Variants in RBBP6 observed in about 807,000 individuals in gnomAD.
The protein encoded by RBBP6 is E3 ubiquitin-protein ligase RBBP6.
A neutral mutation model predicts 167.7 loss-of-function variants in RBBP6; 25 were observed. That is an observed-to-expected ratio of 0.15 (90% CI 0.11 to 0.21). The LOEUF (loss-of-function observed/expected upper bound fraction) is 0.21, where lower values mean the gene tolerates loss of function less well. Among genes scored for constraint, RBBP6 ranks in the 10% least tolerant of loss-of-function variants. RBBP6 has a pLI of 1.00. For synonymous variants in RBBP6, 789 were observed against 735.8 expected (o/e 1.07, Z -1.17); for missense variants, 1,868 against 2,134.2 (o/e 0.88, Z 2.46).
At position 24,571,590 on chromosome 16, in the gene RBBP6, A is replaced by C. The variant is rs1348290454; in HGVS notation, c.4524A>C (p.Ala1508=). The C allele has an allele frequency of 6.2e-7, 1 of 1,611,756 alleles. No individual in the cohort carries two copies. Among genetic ancestry groups the C allele is most frequent in the Admixed American group, 1.7e-5 (1 of 59,470 alleles). Residue 1508 remains alanine, a synonymous_variant, in exon 18 of 18, where the codon GCA becomes GCC. Coordinates refer to ENST00000319715, the MANE Select transcript of RBBP6 (RefSeq NM_006910.5). ...CTCCTTCTCGGAATAAAGATTCTGCATCTGGACAGAAAAATAAACCAAGGG... is the reference window on the plus strand; with the variant it reads ...CTCCTTCTCGGAATAAAGATTCTGCCTCTGGACAGAAAAATAAACCAAGGG... The part of the protein sequence containing the change: ...KDSPSRNKDS[A]SGQKNKPREE...
chr16:24,559,401 G>T, intron 7 of RBBP6, 104 bp from the exon 8 acceptor site: 1 of 845,704 alleles, frequency 1.2e-6, no homozygotes, highest in Non-Finnish European at 1.8e-6. Flanking sequence ...AAACTAATTT[G>T]GCATTGCGCT....
Position 24,541,205 on chromosome 16 carries a change from C to CAAAAAAAAAAAAA in RBBP6, c.166+420_166+421insAAAAAAAAAAAAA, listed in dbSNP as rs933107246. On this transcript the variant is annotated intron_variant, in intron 1 of 17. Transcript: ENST00000319715. ...GCAAAAAAAAAAACAAAAAAAAAACCAAAAAAACAATTTTCTAACCTAACA... is the reference window on the plus strand; with the variant it reads ...GCAAAAAAAAAAACAAAAAAAAAACCAAAAAAAAAAAAAAAAAAAACAATTTTCTAACCTAACA... Among the ~76,000 whole-genome samples the CAAAAAAAAAAAAA allele has an allele frequency of 6.8e-4, 54 of 79,292 alleles. 1 individual carries two copies. The highest frequency in any genetic ancestry group is 1.3e-3 in the South Asian group (3 of 2,324). 52.0% of individuals were successfully genotyped at this position (79,292 alleles called of 152,430 possible).
chr16:24,569,636 T>C lies in RBBP6; in HGVS notation c.2946T>C (p.Asp982=). 1.2e-6 allele frequency: 2 copies of C among 1,613,028 alleles called. No homozygotes were observed. The highest frequency in any genetic ancestry group is 8.5e-7 in the Non-Finnish European group (1 of 1,179,784). Residue 982 remains aspartate (D), a synonymous_variant, in exon 17 of 18, where the codon GAT becomes GAC. Coordinates refer to ENST00000319715, the MANE Select transcript of RBBP6 (RefSeq NM_006910.5). ...TGTTTGTTCTCCCAAGTAGAGATGATGCCACACCTGTTAGAGATGAACCAA... is the reference window on the plus strand; with the variant it reads ...TGTTTGTTCTCCCAAGTAGAGATGACGCCACACCTGTTAGAGATGAACCAA... ...DSLFVLPSRD[D]ATPVRDEPMD...
chr16:24,546,414 CGTTT>C (rs1430777355), intron 2 of RBBP6, 152 bp downstream of exon 2: 5 of 1,059,702 alleles, frequency 4.7e-6, no homozygotes, highest in East Asian at 7.0e-5. Flanking sequence ...TTTCTTTGTT[CGTTT>C]GTTTTTGATT....
At chr16:24,548,906 A>T in intron 2 of RBBP6, 39 bp from the exon 3 acceptor site, 1 of 1,509,486 alleles carries the variant, frequency 6.6e-7, no homozygotes. Flanking sequence ...AAATTCATAA[A>T]TAGCTAATGT....
chr16:24,572,404 A>G lies in RBBP6; in HGVS notation c.5338A>G (p.Lys1780Glu). 3 of 1,533,180 alleles carry G rather than the reference A, an allele frequency of 2.0e-6. No individual in the cohort carries two copies. The highest frequency in any genetic ancestry group is 2.6e-6 in the Non-Finnish European group (3 of 1,142,426). The allele number at this position is 1,533,180 out of a possible 1,614,324, so 95.0% of individuals were successfully genotyped here. A position where few individuals can be genotyped will look rare whatever the true frequency, so the allele number is the denominator to read the frequency against. The change falls in exon 18 of 18, where the codon AAG becomes GAG. Residue 1780 changes from lysine (K) to glutamate (E), a missense_variant. Transcript: ENST00000319715. Reference protein sequence around the residue: ...SKKNKDKEKEKEKDDQKVKSV... With the variant: ...SKKNKDKEKEEEKDDQKVKSV... ...GAAGAACAAAGATAAAGAGAAGGAG[A>G]AGGAGAAAGATGACCAAAAAGTGAA...
intron 1 of RBBP6, among the ~76,000 whole-genome samples, chr16:24,543,649 T>G (rs1898561116): frequency 6.6e-6 from 1 of 152,070 alleles, no homozygotes; most frequent in Admixed American, 6.5e-5. Context: ...GGGTCAGAAT[T>G]CCATGGATTT....
Position 24,567,137 on chromosome 16 carries a change from T to C in RBBP6, c.1590-6T>C, listed in dbSNP as rs7195386. 0.54 allele frequency: 861,361 copies of C among 1,604,408 alleles called. 237,587 individuals carry two copies. Among genetic ancestry groups the C allele is most frequent in the African/African-American group, 0.84 (62,943 of 74,754 alleles). On this transcript the variant is annotated splice_region_variant and splice_polypyrimidine_tract_variant and intron_variant, in intron 14 of 17. Transcript: ENST00000319715. Reference sequence around the variant, plus strand: ...AGAAGTAATATCTTGGAATTTATTTTTCCAGAAGTATAAACCGTGGGCGAC... The same window carrying C: ...AGAAGTAATATCTTGGAATTTATTTCTCCAGAAGTATAAACCGTGGGCGAC...
chr16:24,545,977 T>G (rs1596499667), intron 1 of RBBP6, among the ~76,000 whole-genome samples, 186 bp from the exon 2 acceptor site: 4 of 152,350 alleles, frequency 2.6e-5, no homozygotes, highest in African/African-American at 9.6e-5. Context: ...TTGGTTGTCC[T>G]TTGAAAAGAA....
rs1187263982 is a variant in RBBP6 at position 24,571,481 on chromosome 16, A to G, written c.4415A>G (p.Asp1472Gly). The G allele has an allele frequency of 1.9e-6, 3 of 1,612,164 alleles. No individual in the cohort carries two copies. Among genetic ancestry groups the G allele is most frequent in the Admixed American group, 3.4e-5 (2 of 59,536 alleles). ...SSNKDFTPNRDKKTDYDTREY... is the reference protein window; with the variant it reads ...SSNKDFTPNRGKKTDYDTREY... Reference sequence around the variant, plus strand: ...AATAAAGACTTCACTCCCAATAGAGACAAAAAAACTGACTATGACACCAGA... The same window carrying G: ...AATAAAGACTTCACTCCCAATAGAGGCAAAAAAACTGACTATGACACCAGA... Residue 1472 changes from aspartate to glycine, a missense_variant, in exon 18 of 18, where the codon GAC becomes GGC. Physicochemically the swap from Asp to Gly is moderately conservative, Grantham distance 94. Transcript: ENST00000319715.
In RBBP6 at chr16:24,570,295, T is replaced by C. The variant is rs1171015664; in HGVS notation, c.3605T>C (p.Leu1202Ser). The stretch of plus-strand genomic sequence containing the variant: ...ACCCCTGAAAAGGACAAAATTTCTT[T>C]AAGTGCGCCAGCCAAAAAAATCAAA... Reference protein sequence around the residue: ...DRTPEKDKISLSAPAKKIKLN... With the variant: ...DRTPEKDKISSSAPAKKIKLN... Residue 1202 changes from leucine to serine, a missense_variant, in exon 17 of 18, where the codon TTA becomes TCA. Leu to Ser is a moderately radical substitution (Grantham distance 145, BLOSUM62 -2). This residue lies in a region of RBBP6 where 673 missense variants were observed against 691.5 expected (regional missense o/e 0.97). Transcript: ENST00000319715. 1.9e-6 allele frequency: 3 copies of C among 1,609,730 alleles called. No homozygotes were observed. The highest frequency in any genetic ancestry group is 2.2e-5 in the East Asian group (1 of 44,866).
Position 24,572,530 on chromosome 16 carries a change from ATAAT to A in RBBP6, c.*86_*89del. ...ATGTAAAGAGATTCAAGCCTTGTAA[ATAAT>A]GACATGGAAGACCCTGTGCTGCACT... On this transcript the variant is annotated 3_prime_UTR_variant, in exon 18 of 18. Transcript: ENST00000319715. 2 of 1,431,818 alleles carry A rather than the reference ATAAT, an allele frequency of 1.4e-6. No homozygotes were observed. The highest frequency in any genetic ancestry group is 1.8e-6 in the Non-Finnish European group (2 of 1,093,310). 88.7% of individuals were successfully genotyped at this position (1,431,818 alleles called of 1,614,324 possible).
chr16:24,569,895 A>G lies in RBBP6; in HGVS notation c.3205A>G (p.Thr1069Ala). 1 of 1,610,842 alleles carries G rather than the reference A, an allele frequency of 6.2e-7. No homozygotes were observed. The highest frequency in any genetic ancestry group is 1.3e-5 in the African/African-American group (1 of 74,662). ...AAAAGCCAAAGAGGAGACTCCGAAG[A>G]CTGACAATACTAAATCATCATCTTC... The part of the protein sequence containing the change: ...IKKAKEETPK[T>A]DNTKSSSSSQ... Residue 1069 changes from threonine to alanine, a missense_variant, in exon 17 of 18, where the codon ACT (threonine) becomes GCT (alanine). Physicochemically the swap from Thr to Ala is moderately conservative, Grantham distance 58. Coordinates refer to ENST00000319715, the MANE Select transcript of RBBP6 (RefSeq NM_006910.5).
rs1899367409 is a variant in RBBP6 at position 24,572,508 on chromosome 16, TAA to T, written c.*65_*66del. 22 of 1,462,854 alleles carry T rather than the reference TAA, an allele frequency of 1.5e-5. No individual in the cohort carries two copies. Among genetic ancestry groups the T allele is most frequent in the Non-Finnish European group, 1.8e-5 (20 of 1,114,054 alleles). The allele number at this position is 1,462,854 out of a possible 1,614,324, so 90.6% of individuals were successfully genotyped here. A position where few individuals can be genotyped will look rare whatever the true frequency, so the allele number is the denominator to read the frequency against. On this transcript the variant is annotated 3_prime_UTR_variant, in exon 18 of 18. Transcript: ENST00000319715. The stretch of plus-strand genomic sequence containing the variant: ...ATCTGTATTAAATTTTGTTATAATG[TAA>T]AGAGATTCAAGCCTTGTAAATAATG...
Position 24,540,730 on chromosome 16 carries a change from G to T in RBBP6, c.104G>T (p.Gly35Val). 6.2e-7 allele frequency: 1 copy of T among 1,614,110 alleles called. No homozygotes were observed. The highest frequency in any genetic ancestry group is 8.5e-7 in the Non-Finnish European group (1 of 1,180,016). Residue 35 changes from glycine to valine, a missense_variant, in exon 1 of 18, where the codon GGG becomes GTG. Physicochemically the swap from Gly to Val is moderately radical, Grantham distance 109. Transcript: ENST00000319715. ...TGCGACTTAAAGAAGCAGATTATGG[G>T]GAGAGAGAAGCTGAAAGCTGCCGAC... ...SLCDLKKQIM[G>V]REKLKAADCD...
At chr16:24,547,329 A>G (rs903013561) in intron 2 of RBBP6, among the ~76,000 whole-genome samples, 16 of 152,194 alleles carry the variant, frequency 1.1e-4, no homozygotes, top group South Asian at 2.1e-4. Flanking sequence ...TATCTTCCAT[A>G]TAATAGCTAC....
At chr16:24,570,642 G>C in intron 17 of RBBP6, 143 bp downstream of exon 17, 2 of 887,642 alleles carry the variant, frequency 2.3e-6, no homozygotes, top group Non-Finnish European at 3.2e-6. Flanking sequence ...TGTTGTCTTT[G>C]AAGAAGGGAA....
At chr16:24,554,828 T>C in intron 4 of RBBP6, 1 of 151,592 alleles carries the variant, frequency 6.6e-6, no homozygotes, top group East Asian at 1.9e-4. Context: ...TTCAAACAAA[T>C]TAGTTGTTAA....
In RBBP6 at chr16:24,540,038, C is replaced by G. The variant is rs1898442359; in HGVS notation, c.-589C>G. 6.6e-6 allele frequency: 1 copy of G among 152,584 alleles called. No individual in the cohort carries two copies. Among genetic ancestry groups the G allele is most frequent in the African/African-American group, 2.4e-5 (1 of 41,354 alleles). 9.5% of individuals were successfully genotyped at this position (152,584 alleles called of 1,614,324 possible). A position where few individuals can be genotyped will look rare whatever the true frequency, so the allele number is the denominator to read the frequency against. On this transcript the variant is annotated 5_prime_UTR_variant, in exon 1 of 18. Transcript: ENST00000319715. ...GCTCGTGGCCTCCGGGGAGCAGGCG[C>G]CAGGGGTTTGTGTGCGGTGGGGGCC...
Sources: allele counts gnomAD v4.1 joint callset (sites outside exome capture counted in the v4.1 genomes callset), GRCh38; gene constraint gnomAD v4.1.1; regional missense constraint gnomAD v4.1.1; transcripts MANE v1.5; gene names NCBI Gene and HGNC (gene_info 2026-07-23, HGNC 2026-07-21).